PGR: variants seen among roughly 807,000 people sequenced by gnomAD.
PGR encodes progesterone receptor.
PGR carries 25 observed loss-of-function variants against 76.1 expected under a neutral mutation model. The ratio of observed to expected loss-of-function variants is 0.33; its 90% CI spans 0.24 to 0.46. The LOEUF (loss-of-function observed/expected upper bound fraction) is 0.46. Among genes scored for constraint, PGR ranks in the 20% least tolerant of loss-of-function variants. PGR has a pLI of 1.00. For synonymous variants in PGR, 579 were observed against 535.0 expected, an observed-to-expected ratio of 1.08 and a Z score of -1.14; for missense variants, 1,172 against 1,225.3, an observed-to-expected ratio of 0.96 and a Z score of 0.65.
At chr11:101,108,594 T>A in intron 2 of PGR, among the ~76,000 whole-genome samples, 1 of 152,242 alleles carries the variant, frequency 6.6e-6, no homozygotes, top group East Asian at 1.9e-4. Flanking sequence ...TCAAACACAG[T>A]GCCCAGTGGT....
intron 3 of PGR, among the ~76,000 whole-genome samples, chr11:101,087,985 G>GT (rs1178056980): frequency 6.6e-6 from 1 of 152,088 alleles, no homozygotes; most frequent in African/African-American, 2.4e-5. Context: ...GAGCCCAGAA[G>GT]TTTGAGACCT....
intron 2 of PGR, among the ~76,000 whole-genome samples, chr11:101,115,210 T>A (rs1862464430): frequency 6.6e-6 from 1 of 152,156 alleles, no homozygotes; most frequent in East Asian, 1.9e-4. Context: ...GCCATTACAA[T>A]TCTTGCTATC....
chr11:101,085,525 T>TAAAAAAAAAAAAAAAAAAAAA (rs1212568882), intron 3 of PGR, among the ~76,000 whole-genome samples: 7 of 42,276 alleles, frequency 1.7e-4, no homozygotes, highest in African/African-American at 2.3e-4. Flanking sequence ...CTAGAGGAAC[T>TAAAAAAAAAAAAAAAAAAAAA]AAAAAAAAAA....
chr11:101,049,020 A>G (rs1343078520), intron 6 of PGR, among the ~76,000 whole-genome samples: 2 of 152,102 alleles, frequency 1.3e-5, no homozygotes, highest in Admixed American at 6.6e-5. Flanking sequence ...AGTGGGGACT[A>G]CAGGCACATG....
At position 101,091,822 on chromosome 11, in the gene PGR, C is replaced by T. The variant is rs778032418; in HGVS notation, c.1844G>A (p.Arg615His). The T allele has an allele frequency of 3.1e-6, 5 of 1,612,454 alleles. No homozygotes were observed. The highest frequency in any genetic ancestry group is 3.3e-5 in the Admixed American group (2 of 60,016). The change falls in exon 3 of 8, where the codon CGC (arginine) becomes CAC (histidine). Residue 615 changes from arginine (R) to histidine (H), a missense_variant. Coordinates refer to ENST00000325455, the MANE Select transcript of PGR (RefSeq NM_000926.4). ...GCGACATGCTGGGCAGTTTTTTCTG[C>T]GGATTTTATCAACGATGCAGTCATT... ...GRNDCIVDKI[R>H]RKNCPACRLR... is the part of the protein sequence containing the mutation.
chr11:101,064,553 G>A (rs911132930), intron 3 of PGR, among the ~76,000 whole-genome samples: 1 of 151,206 alleles, frequency 6.6e-6, no homozygotes, highest in Non-Finnish European at 1.5e-5. Flanking sequence ...GCCAGGAATT[G>A]TGTGTGTGTG....
intron 3 of PGR, among the ~76,000 whole-genome samples, chr11:101,081,900 A>C (rs1279113729): frequency 1.3e-5 from 2 of 152,352 alleles, no homozygotes; most frequent in Non-Finnish European, 2.9e-5. Context: ...TCAAAACCTC[A>C]CATATAAAAA....
chr11:101,057,935 T>C (rs1232181558), intron 4 of PGR, among the ~76,000 whole-genome samples: 1 of 152,142 alleles, frequency 6.6e-6, no homozygotes, highest in Non-Finnish European at 1.5e-5. Context: ...AATATAGTGG[T>C]AGTTGAAGAC....
At chr11:101,093,912 C>A (rs1045625418) in intron 2 of PGR, among the ~76,000 whole-genome samples, 1 of 152,236 alleles carries the variant, frequency 6.6e-6, no homozygotes, top group Admixed American at 6.5e-5. Flanking sequence ...GCTGATCTGT[C>A]TCACTTACAT....
intron 2 of PGR, among the ~76,000 whole-genome samples, chr11:101,104,511 T>C (rs1862089541): frequency 6.6e-6 from 1 of 152,202 alleles, no homozygotes; most frequent in Non-Finnish European, 1.5e-5. Flanking sequence ...CAATAAATCA[T>C]AGTGTGTAAT....
At chr11:101,068,648 T>C (rs374885461) in intron 3 of PGR, among the ~76,000 whole-genome samples, 2 of 152,120 alleles carry the variant, frequency 1.3e-5, no homozygotes, top group Admixed American at 6.6e-5. Flanking sequence ...TAAAACAGCA[T>C]GGTACTGGTA....
intron 3 of PGR, among the ~76,000 whole-genome samples, chr11:101,075,243 G>A (rs1294986239): frequency 2.6e-5 from 4 of 152,170 alleles, no homozygotes; most frequent in Non-Finnish European, 4.4e-5. Flanking sequence ...TTAATAAATG[G>A]TGTTGGGGAA....
At chr11:101,097,429 T>C (rs749669215) in intron 2 of PGR, among the ~76,000 whole-genome samples, 1 of 152,244 alleles carries the variant, frequency 6.6e-6, no homozygotes, top group Non-Finnish European at 1.5e-5. Flanking sequence ...AATGTATTCC[T>C]ATTGTATACT....
chr11:101,054,585 A>T (rs1272108487), intron 4 of PGR, among the ~76,000 whole-genome samples: 1 of 152,206 alleles, frequency 6.6e-6, no homozygotes, highest in African/African-American at 2.4e-5. Context: ...GCCTTTCTAA[A>T]GGGAGGCACA....
intron 3 of PGR, among the ~76,000 whole-genome samples, chr11:101,089,858 T>C (rs908424764): frequency 6.6e-6 from 1 of 152,130 alleles, no homozygotes; most frequent in Non-Finnish European, 1.5e-5. Flanking sequence ...CAGGCTAAAG[T>C]AACAAGCAGT....
At chr11:101,078,855 CTT>C (rs1190054954) in intron 3 of PGR, among the ~76,000 whole-genome samples, 2 of 151,974 alleles carry the variant, frequency 1.3e-5, no homozygotes, top group Non-Finnish European at 2.9e-5. Flanking sequence ...CATGTTTTAT[CTT>C]TTGTTATTTA....
intron 3 of PGR, among the ~76,000 whole-genome samples, chr11:101,074,063 T>G (rs1041559920): frequency 6.6e-6 from 1 of 152,150 alleles, no homozygotes; most frequent in Non-Finnish European, 1.5e-5. Flanking sequence ...TGAATATTGA[T>G]GCAAAAATCC....
Position 101,030,198 on chromosome 11 carries a change from T to C in PGR, c.*8918A>G, listed in dbSNP as rs762517659. On this transcript the variant is annotated 3_prime_UTR_variant, in exon 8 of 8. Coordinates refer to ENST00000325455, the MANE Select transcript of PGR (RefSeq NM_000926.4). ...AATAGGGCGTGAGTCATGAGAAAGA[T>C]TCCCTGCATCTCTTGCCAAGTATTA... is the stretch of plus-strand genomic sequence containing the variant. 9.0e-6 allele frequency: 2 copies of C among 221,690 alleles called. No individual in the cohort carries two copies. The highest frequency in any genetic ancestry group is 1.8e-5 in the Non-Finnish European group (2 of 110,966). The allele number at this position is 221,690 out of a possible 1,614,324, so 13.7% of individuals were successfully genotyped here.
At chr11:101,103,330 G>T (rs1197411230) in intron 2 of PGR, among the ~76,000 whole-genome samples, 1 of 152,034 alleles carries the variant, frequency 6.6e-6, no homozygotes, top group Admixed American at 6.6e-5. Context: ...GAATATACTG[G>T]CTAGAGAACA....
Sources: gnomAD v4.1 joint callset for allele counts (sites outside exome capture counted in the v4.1 genomes callset) on GRCh38, gnomAD v4.1.1 for gene constraint, MANE v1.5 for transcripts, NCBI Gene and HGNC (gene_info 2026-07-23, HGNC 2026-07-21) for gene names.